Variants in CPA6 observed in about 807,000 individuals in gnomAD.
The protein encoded by CPA6 is carboxypeptidase A6.
A neutral mutation model predicts 63.3 loss-of-function variants in CPA6; 58 were observed. That is an observed-to-expected ratio of 0.92 (90% CI 0.74 to 1.14). CPA6 has a LOEUF of 1.14. Ranked by LOEUF, CPA6 falls within the 50% of genes most tolerant of loss-of-function variation. The pLI is 0.00. For missense variants in CPA6, 565 were observed against 526.6 expected (o/e 1.07, Z -0.71); for synonymous variants, 185 against 179.0 (o/e 1.03, Z -0.27).
At chr8:67,621,626 A>G (rs534054364) in intron 2 of CPA6, among the ~76,000 whole-genome samples, 2 of 152,330 alleles carry the variant, frequency 1.3e-5, no homozygotes, top group East Asian at 1.9e-4. Flanking sequence ...ACTTCATAAG[A>G]TTGTTAAAAT....
intron 8 of CPA6, among the ~76,000 whole-genome samples, chr8:67,444,950 T>C (rs1468331010): frequency 1.3e-5 from 2 of 152,146 alleles, no homozygotes. Flanking sequence ...AGGGACTTGA[T>C]GTTTCAAGGA....
intron 1 of CPA6, among the ~76,000 whole-genome samples, chr8:67,678,704 G>T (rs1225317404): frequency 6.6e-6 from 1 of 152,182 alleles, no homozygotes; most frequent in African/African-American, 2.4e-5. Context: ...AAAGCTGTTG[G>T]TGGTAACACC....
At chr8:67,523,529 AAAAAAC>A (rs1190286713) in intron 2 of CPA6, among the ~76,000 whole-genome samples, 38 of 152,104 alleles carry the variant, frequency 2.5e-4, no homozygotes, top group Admixed American at 2.5e-3. Context: ...ATTCCATCTC[AAAAAAC>A]AAAAACAAAA....
chr8:67,732,901 A>C (rs1260530921), intron 1 of CPA6, among the ~76,000 whole-genome samples: 6 of 151,976 alleles, frequency 3.9e-5, no homozygotes, highest in African/African-American at 1.2e-4. Flanking sequence ...AGTGGTTCTC[A>C]AAGTTTAGCT....
At chr8:67,682,946 C>T (rs933956324) in intron 1 of CPA6, among the ~76,000 whole-genome samples, 16 of 152,300 alleles carry the variant, frequency 1.1e-4, no homozygotes, top group South Asian at 6.2e-4. Context: ...GATACTTAGC[C>T]GGAAGACCTG....
chr8:67,739,986 C>T (rs937158471), intron 1 of CPA6, among the ~76,000 whole-genome samples: 2 of 152,102 alleles, frequency 1.3e-5, no homozygotes, highest in South Asian at 2.1e-4. Flanking sequence ...ATACTTTTTA[C>T]AGGAACAGAG....
intron 2 of CPA6, among the ~76,000 whole-genome samples, chr8:67,564,659 T>C (rs1813295736): frequency 6.6e-6 from 1 of 152,114 alleles, no homozygotes; most frequent in African/African-American, 2.4e-5. Flanking sequence ...AAAATGTCTA[T>C]GTTTCCAGCC....
chr8:67,499,662 T>G (rs1811793838), intron 6 of CPA6, among the ~76,000 whole-genome samples: 1 of 152,168 alleles, frequency 6.6e-6, no homozygotes, highest in South Asian at 2.1e-4. Flanking sequence ...CTCCACCCCT[T>G]CCCTAACCCT....
At chr8:67,699,466 G>A (rs1050662885) in intron 1 of CPA6, among the ~76,000 whole-genome samples, 1 of 151,798 alleles carries the variant, frequency 6.6e-6, no homozygotes, top group African/African-American at 2.4e-5. Context: ...AGGGGGGGAT[G>A]TTACCTAGAA....
At chr8:67,652,817 G>C (rs1157513649) in intron 1 of CPA6, among the ~76,000 whole-genome samples, 1 of 151,966 alleles carries the variant, frequency 6.6e-6, no homozygotes, top group East Asian at 1.9e-4. Context: ...CCTTGCCCAT[G>C]CCTATGTCCT....
intron 1 of CPA6, among the ~76,000 whole-genome samples, chr8:67,722,802 A>G (rs1403059491): frequency 6.6e-6 from 1 of 152,084 alleles, no homozygotes; most frequent in Non-Finnish European, 1.5e-5. Flanking sequence ...TCAAAATGGA[A>G]CCCAGGTTTC....
intron 2 of CPA6, among the ~76,000 whole-genome samples, chr8:67,525,631 A>T (rs970587176): frequency 6.6e-6 from 1 of 152,154 alleles, no homozygotes; most frequent in Non-Finnish European, 1.5e-5. Flanking sequence ...TATCAAAACA[A>T]AGCGCATGTG....
At chr8:67,718,598 C>T (rs982460591) in intron 1 of CPA6, among the ~76,000 whole-genome samples, 5 of 151,742 alleles carry the variant, frequency 3.3e-5, no homozygotes, top group African/African-American at 1.2e-4. Context: ...TCCCTAAGTA[C>T]AGATTTCCCA....
chr8:67,603,697 ACC>A (rs1275963888), intron 2 of CPA6, among the ~76,000 whole-genome samples: 1 of 152,208 alleles, frequency 6.6e-6, no homozygotes, highest in East Asian at 1.9e-4. Context: ...TGAAAAAAGT[ACC>A]CAGGCAAATT....
chr8:67,602,516 A>T (rs1259330575), intron 2 of CPA6, among the ~76,000 whole-genome samples: 1 of 152,206 alleles, frequency 6.6e-6, no homozygotes, highest in Non-Finnish European at 1.5e-5. Context: ...AGAGTAACTG[A>T]TGTGCTGAGA....
chr8:67,480,720 T>C (rs1811340428), intron 8 of CPA6, among the ~76,000 whole-genome samples: 1 of 152,162 alleles, frequency 6.6e-6, no homozygotes, highest in Non-Finnish European at 1.5e-5. Flanking sequence ...GGGTCATATG[T>C]TTTTAACTTT....
At chr8:67,728,449 T>C (rs947126042) in intron 1 of CPA6, among the ~76,000 whole-genome samples, 1 of 152,190 alleles carries the variant, frequency 6.6e-6, no homozygotes, top group Non-Finnish European at 1.5e-5. Flanking sequence ...TTATAGACAT[T>C]TATAGCCGGC....
At chr8:67,527,458 T>C (rs1474331008) in intron 2 of CPA6, among the ~76,000 whole-genome samples, 1 of 152,254 alleles carries the variant, frequency 6.6e-6, no homozygotes, top group African/African-American at 2.4e-5. Context: ...AGTTTCTTCC[T>C]GGTTCTATAT....
At chr8:67,548,832 C>T (rs752667715) in intron 2 of CPA6, among the ~76,000 whole-genome samples, 2 of 152,298 alleles carry the variant, frequency 1.3e-5, no homozygotes, top group Non-Finnish European at 2.9e-5. Context: ...TGCAGAAACA[C>T]CAGCTCAGGT....
Sources: gnomAD v4.1 joint callset for allele counts (sites outside exome capture counted in the v4.1 genomes callset) on GRCh38, gnomAD v4.1.1 for gene constraint, MANE v1.5 for transcripts, NCBI Gene and HGNC (gene_info 2026-07-23, HGNC 2026-07-21) for gene names.